RSF1: variants seen among roughly 807,000 people sequenced by gnomAD.
RSF1 encodes HBV pX-associated protein 8.
Under a neutral mutation model 145.2 loss-of-function variants are expected in RSF1, and 13 were observed. That is an observed-to-expected ratio of 0.09 (90% CI 0.06 to 0.14). RSF1 has a LOEUF of 0.14. Ranked by LOEUF, RSF1 falls within the 10% of genes least tolerant of loss-of-function variation. The probability of loss-of-function intolerance (pLI) is 1.00; values close to 1 mark genes in which losing one functional copy is unlikely to be tolerated. For missense variants in RSF1, 1,517 were observed against 1,718.2 expected, an observed-to-expected ratio of 0.88 and a Z score of 2.07; for synonymous variants, 577 against 592.6, an observed-to-expected ratio of 0.97 and a Z score of 0.38.
chr11:77,821,178 A>G (rs912613367), upstream of RSF1: 1 of 366,400 alleles, frequency 2.7e-6, no homozygotes, highest in East Asian at 4.3e-5. Context: ...CAGCGCTGGG[A>G]GCGTAAGTGC....
chr11:77,815,595 T>C (rs186996989), intron 1 of RSF1, among the ~76,000 whole-genome samples: 11 of 152,292 alleles, frequency 7.2e-5, no homozygotes, highest in Admixed American at 7.2e-4. Flanking sequence ...TTTACAACTG[T>C]AGACTAGAAT....
At chr11:77,772,749 A>G (rs1948299621) in intron 1 of RSF1, among the ~76,000 whole-genome samples, 1 of 150,822 alleles carries the variant, frequency 6.6e-6, no homozygotes, top group African/African-American at 2.4e-5. Flanking sequence ...AATTGATAAT[A>G]CCATCTTAGA....
At chr11:77,675,949 C>T (rs1214445756) in intron 13 of RSF1, among the ~76,000 whole-genome samples, 1 of 152,176 alleles carries the variant, frequency 6.6e-6, no homozygotes, top group Non-Finnish European at 1.5e-5. Context: ...AAAACACTCC[C>T]TAATCTGGCT....
At chr11:77,725,858 G>T (rs1459925344) in intron 4 of RSF1, among the ~76,000 whole-genome samples, 159 bp from the exon 5 acceptor site, 1 of 152,084 alleles carries the variant, frequency 6.6e-6, no homozygotes, top group Non-Finnish European at 1.5e-5. Flanking sequence ...AATTTTAAAA[G>T]CACTAAGAAA....
At position 77,725,752 on chromosome 11, in the gene RSF1, A is replaced by C. The variant is rs910609181; in HGVS notation, c.579-53T>G. Reference sequence around the variant, plus strand: ...TAAAAACCTTTTTCCTGTTCTAGAGAACTTTCTGAATAATACCAATAGAAA... The same window carrying C: ...TAAAAACCTTTTTCCTGTTCTAGAGCACTTTCTGAATAATACCAATAGAAA... On this transcript the variant is annotated intron_variant, in intron 4 of 15. Coordinates refer to ENST00000308488, the MANE Select transcript of RSF1 (RefSeq NM_016578.4). 2.2e-5 allele frequency: 31 copies of C among 1,396,066 alleles called. No individual in the cohort carries two copies. In the Admixed American group the frequency reaches 7.3e-4, roughly 33 times the overall value. The allele number at this position is 1,396,066 out of a possible 1,614,324, so 86.5% of individuals were successfully genotyped here. A position where few individuals can be genotyped will look rare whatever the true frequency, so the allele number is the denominator to read the frequency against.
the RSF1 span, chr11:77,842,637 T>C: frequency 2.7e-5 from 43 of 1,613,366 alleles, no homozygotes; most frequent in Non-Finnish European, 3.2e-5. Context: ...AGGTAAGATA[T>C]TAGTCTTTGG....
intron 8 of RSF1, chr11:77,691,565 G>A (rs1168745459): frequency 4.5e-6 from 1 of 221,514 alleles, no homozygotes; most frequent in African/African-American, 2.3e-5. Context: ...TTTTAAAAAA[G>A]ATCCCAAGAT....
At chr11:77,865,235 G>A in the RSF1 span, among the ~76,000 whole-genome samples, 1 of 152,180 alleles carries the variant, frequency 6.6e-6, no homozygotes, top group South Asian at 2.1e-4. Flanking sequence ...AGGCCAAGGT[G>A]TTGTAATAGA....
At chr11:77,712,353 A>G (rs1394658525) in intron 5 of RSF1, among the ~76,000 whole-genome samples, 2 of 152,212 alleles carry the variant, frequency 1.3e-5, no homozygotes, top group Non-Finnish European at 2.9e-5. Context: ...AGGTCTCCCC[A>G]GCCATGCAGA....
chr11:77,811,648 T>C (rs1193606333), intron 1 of RSF1, among the ~76,000 whole-genome samples: 1 of 152,164 alleles, frequency 6.6e-6, no homozygotes, highest in Admixed American at 6.5e-5. Context: ...AAAGCATAAA[T>C]GTAAAACAAC....
the RSF1 span, chr11:77,870,024 A>G: frequency 7.7e-6 from 3 of 392,100 alleles, no homozygotes; most frequent in Non-Finnish European, 1.4e-5. Context: ...TGTCATTTCA[A>G]CTATTTCTCA....
chr11:77,669,633 G>C (rs1959466823), intron 15 of RSF1, among the ~76,000 whole-genome samples: 1 of 152,192 alleles, frequency 6.6e-6, no homozygotes, highest in South Asian at 2.1e-4. Context: ...AGCCATATGA[G>C]GTTAGTGGCT....
chr11:77,789,535 G>T (rs1029812204), intron 1 of RSF1, among the ~76,000 whole-genome samples: 2 of 152,174 alleles, frequency 1.3e-5, no homozygotes, highest in Admixed American at 6.5e-5. Flanking sequence ...TATGGCCACA[G>T]CTGAGGCGCG....
Position 77,702,424 on chromosome 11 carries a change from T to A in RSF1, c.805A>T (p.Asn269Tyr). The A allele has an allele frequency of 6.3e-7, 1 of 1,592,200 alleles. No homozygotes were observed. Among genetic ancestry groups the A allele is most frequent in the Admixed American group, 1.9e-5 (1 of 54,042 alleles). The part of the protein sequence containing the change: ...PMDLENRSTA[N>Y]VLEETTVKKE... ...TTCACAGTAGTCTCTTCTAGAACAT[T>A]GGCTGTAGAACGGTTTTCTAAATCC... The change falls in exon 6 of 16, where the codon AAT becomes TAT. Residue 269 changes from asparagine (N) to tyrosine (Y), a missense_variant. Asn to Tyr is a moderately radical substitution (Grantham distance 143). Coordinates refer to ENST00000308488, the MANE Select transcript of RSF1 (RefSeq NM_016578.4).
At chr11:77,690,552 C>T (rs1165087052) in intron 9 of RSF1, among the ~76,000 whole-genome samples, 1 of 152,162 alleles carries the variant, frequency 6.6e-6, no homozygotes, top group Non-Finnish European at 1.5e-5. Context: ...CCTGCCTCAG[C>T]CTCCGAGTAG....
intron 9 of RSF1, among the ~76,000 whole-genome samples, chr11:77,687,367 C>T (rs947903166): frequency 6.6e-6 from 1 of 152,086 alleles, no homozygotes; most frequent in Non-Finnish European, 1.5e-5. Context: ...GATATAAAGT[C>T]ATAATTACAG....
intron 2 of RSF1, among the ~76,000 whole-genome samples, chr11:77,760,935 C>T (rs997831288): frequency 4.6e-5 from 7 of 151,256 alleles, no homozygotes; most frequent in Admixed American, 1.3e-4. Context: ...TTTTCTGAAA[C>T]GGAGTCTCGC....
At chr11:77,854,466 G>T in the RSF1 span, among the ~76,000 whole-genome samples, 1 of 152,196 alleles carries the variant, frequency 6.6e-6, no homozygotes, top group South Asian at 2.1e-4. Flanking sequence ...TTCCAAAAGT[G>T]AGAAATTATC....
At chr11:77,673,470 T>G (rs908801051) in intron 14 of RSF1, among the ~76,000 whole-genome samples, 12 of 152,222 alleles carry the variant, frequency 7.9e-5, no homozygotes, top group African/African-American at 2.9e-4. Context: ...TGGTTCTCAT[T>G]GGCCAAATTT....
Sources: gnomAD v4.1 joint callset for allele counts (sites outside exome capture counted in the v4.1 genomes callset) on GRCh38, gnomAD v4.1.1 for gene constraint, MANE v1.5 for transcripts, NCBI Gene and HGNC (gene_info 2026-07-23, HGNC 2026-07-21) for gene names.